Variants in STX7 observed in about 807,000 individuals in gnomAD.
The protein encoded by STX7 is syntaxin-7.
STX7 carries 34 observed loss-of-function variants against 39.6 expected under a neutral mutation model. The observed-to-expected ratio is 0.86, with a 90% CI of 0.65 to 1.14. STX7 has a LOEUF of 1.14. STX7 is among the 50% of genes most tolerant of loss of function. The pLI is 0.00. For synonymous variants in STX7, 119 were observed against 99.1 expected (o/e 1.20, Z -1.19); for missense variants, 284 against 310.4 (o/e 0.92, Z 0.64).
rs756296306 is a variant in STX7 at position 132,446,096 on chromosome 6, G to T, written c.*14662C>A. 2.0e-5 allele frequency: 3 copies of T among 152,188 alleles called. No homozygotes were observed. The highest frequency in any genetic ancestry group is 4.4e-5 in the Non-Finnish European group (3 of 68,026). 9.4% of individuals were successfully genotyped at this position (152,188 alleles called of 1,614,324 possible). Reference sequence around the variant, plus strand: ...TATATTGCAAAAGCTTTGCCCTCCTGCAAGAACATGCAGTTTCCCAAACAG... The same window carrying T: ...TATATTGCAAAAGCTTTGCCCTCCTTCAAGAACATGCAGTTTCCCAAACAG... On this transcript the variant is annotated 3_prime_UTR_variant, in exon 10 of 10. Coordinates refer to ENST00000367941, the MANE Select transcript of STX7 (RefSeq NM_003569.3).
chr6:132,513,386 C>G (rs146822092), upstream of STX7, among the ~76,000 whole-genome samples: 4 of 152,342 alleles, frequency 2.6e-5, no homozygotes, highest in South Asian at 8.3e-4. Flanking sequence ...TCACCCCGCC[C>G]CATTAGCTCT....
At chr6:132,492,717 C>T (rs1775324992) in intron 2 of STX7, among the ~76,000 whole-genome samples, 1 of 152,032 alleles carries the variant, frequency 6.6e-6, no homozygotes, top group Admixed American at 6.6e-5. Context: ...TCTCACCTGA[C>T]CAGGGTGACT....
At chr6:132,497,755 C>T (rs963063245) in intron 2 of STX7, among the ~76,000 whole-genome samples, 2 of 152,086 alleles carry the variant, frequency 1.3e-5, no homozygotes, top group African/African-American at 4.8e-5. Flanking sequence ...ACTTATAAAC[C>T]CACAAAGGCT....
chr6:132,488,811 T>A (rs1278306242), intron 2 of STX7, among the ~76,000 whole-genome samples: 1 of 151,934 alleles, frequency 6.6e-6, no homozygotes, highest in Non-Finnish European at 1.5e-5. Flanking sequence ...AGAAAAAAAA[T>A]CTAAATATTG....
chr6:132,505,448 G>A (rs1228720716), intron 1 of STX7, among the ~76,000 whole-genome samples: 2 of 152,144 alleles, frequency 1.3e-5, no homozygotes, highest in African/African-American at 4.8e-5. Context: ...AGTCCTGGTG[G>A]CTTTTAGATA....
At chr6:132,473,719 C>T (rs1228412033) in intron 3 of STX7, among the ~76,000 whole-genome samples, 1 of 151,888 alleles carries the variant, frequency 6.6e-6, no homozygotes, top group East Asian at 1.9e-4. Context: ...AACATCAGTA[C>T]CTCTTATATA....
rs1325624478 is a variant in STX7, at chr6:132,455,944, A to AT, written c.*4813dup. On this transcript the variant is annotated 3_prime_UTR_variant, in exon 10 of 10. Transcript: ENST00000367941. ...AAAACATTTTAAGAAACATTTCTTT[A>AT]TATGGAGCATACTTACTGTTTTTGC... is the stretch of plus-strand genomic sequence containing the variant. 6.6e-6 allele frequency: 1 copy of AT among 152,218 alleles called. No homozygotes were observed. The highest frequency in any genetic ancestry group is 2.4e-5 in the African/African-American group (1 of 41,452). 9.4% of individuals were successfully genotyped at this position (152,218 alleles called of 1,614,324 possible).
chr6:132,493,000 G>C (rs1251865826), intron 2 of STX7, among the ~76,000 whole-genome samples: 1 of 152,128 alleles, frequency 6.6e-6, no homozygotes, highest in East Asian at 1.9e-4. Context: ...ATCTGTTGAA[G>C]GTTTCCATGC....
intron 2 of STX7, among the ~76,000 whole-genome samples, chr6:132,486,271 T>A (rs1474903576): frequency 6.6e-6 from 1 of 152,210 alleles, no homozygotes; most frequent in African/African-American, 2.4e-5. Flanking sequence ...GGGCAAGACA[T>A]CCCTGTCTTG....
chr6:132,472,945 G>T (rs1774770742), intron 3 of STX7, among the ~76,000 whole-genome samples: 1 of 152,166 alleles, frequency 6.6e-6, no homozygotes, highest in African/African-American at 2.4e-5. Context: ...ATCACTTGAG[G>T]CCAGGAATTT....
At chr6:132,463,378 T>C (rs1385534223) in intron 9 of STX7, among the ~76,000 whole-genome samples, 1 of 152,204 alleles carries the variant, frequency 6.6e-6, no homozygotes, top group East Asian at 1.9e-4. Flanking sequence ...GTATTAATAG[T>C]TGATAGTTCT....
chr6:132,493,993 T>C (rs1178740328), intron 2 of STX7, among the ~76,000 whole-genome samples: 1 of 152,188 alleles, frequency 6.6e-6, no homozygotes, highest in African/African-American at 2.4e-5. Flanking sequence ...CTAGTCATTA[T>C]TATAGAAATT....
intron 2 of STX7, among the ~76,000 whole-genome samples, chr6:132,494,212 A>C (rs1271606766): frequency 6.6e-6 from 1 of 151,962 alleles, no homozygotes; most frequent in African/African-American, 2.4e-5. Context: ...CACATAAAAA[A>C]GTAAGCAACC....
intron 2 of STX7, among the ~76,000 whole-genome samples, chr6:132,490,001 C>A (rs1775237187): frequency 6.6e-6 from 1 of 152,196 alleles, no homozygotes; most frequent in African/African-American, 2.4e-5. Flanking sequence ...TGGAACATTA[C>A]AAGCTGGGTC....
intron 2 of STX7, among the ~76,000 whole-genome samples, chr6:132,498,247 CTAATT>C (rs1274278682): frequency 1.3e-5 from 2 of 151,864 alleles, no homozygotes; most frequent in African/African-American, 4.8e-5. Context: ...AATTAAATTT[CTAATT>C]TATTTTACAT....
chr6:132,461,876 A>C, intron 9 of STX7: 1 of 1,537,716 alleles, frequency 6.5e-7, no homozygotes, highest in Non-Finnish European at 8.8e-7. Flanking sequence ...AAAGTAGAAA[A>C]ATTTGTAAAT....
intron 2 of STX7, among the ~76,000 whole-genome samples, chr6:132,483,492 G>C (rs993657626): frequency 2.0e-5 from 3 of 152,170 alleles, no homozygotes; most frequent in Admixed American, 6.5e-5. Context: ...ACACTGAGTT[G>C]AAGTTCTTTG....
chr6:132,492,596 T>C (rs1775320898), intron 2 of STX7, among the ~76,000 whole-genome samples: 1 of 152,100 alleles, frequency 6.6e-6, no homozygotes, highest in African/African-American at 2.4e-5. Flanking sequence ...TACAGCATGA[T>C]CCAAATACAC....
At chr6:132,478,889 C>CT (rs1774943388) in intron 2 of STX7, among the ~76,000 whole-genome samples, 1 of 152,214 alleles carries the variant, frequency 6.6e-6, no homozygotes, top group African/African-American at 2.4e-5. Flanking sequence ...GTTATGCACA[C>CT]TGTCTATCTT....
Sources: allele counts gnomAD v4.1 joint callset (sites outside exome capture counted in the v4.1 genomes callset), GRCh38; gene constraint gnomAD v4.1.1; transcripts MANE v1.5; gene names NCBI Gene and HGNC (gene_info 2026-07-23, HGNC 2026-07-21).